Variants in ZBBX observed in about 807,000 individuals in gnomAD.
ZBBX encodes the protein zinc finger B-box domain-containing protein 1.
ZBBX carries 101 observed loss-of-function variants against 108.5 expected under a neutral mutation model. The observed-to-expected ratio is 0.93, with a 90% CI of 0.79 to 1.10. The LOEUF (loss-of-function observed/expected upper bound fraction) is 1.10. Among genes scored for constraint, ZBBX ranks in the 50% least tolerant of loss-of-function variants. The pLI, the probability that ZBBX is intolerant of heterozygous loss-of-function variation, is 0.00. For synonymous variants in ZBBX, 356 were observed against 323.4 expected (o/e 1.10, Z -1.08); for missense variants, 1,009 against 941.4 (o/e 1.07, Z -0.94).
At chr3:167,345,573 G>T (rs1161760594) in intron 9 of ZBBX, among the ~76,000 whole-genome samples, 2 of 151,392 alleles carry the variant, frequency 1.3e-5, no homozygotes, top group Non-Finnish European at 3.0e-5. Flanking sequence ...CCTTTTTTGG[G>T]AGAACATTTA....
chr3:167,302,175 C>A (rs776331720), intron 17 of ZBBX, among the ~76,000 whole-genome samples: 1 of 152,028 alleles, frequency 6.6e-6, no homozygotes, highest in Non-Finnish European at 1.5e-5. Context: ...AAAGAACACA[C>A]ATTCTCTAAT....
chr3:167,266,133 T>C (rs1725418289), intron 20 of ZBBX, among the ~76,000 whole-genome samples: 1 of 152,224 alleles, frequency 6.6e-6, no homozygotes, highest in African/African-American at 2.4e-5. Flanking sequence ...GGTGTTCCAG[T>C]GTCGGGGAGG....
chr3:167,189,650 C>G, the ZBBX span, among the ~76,000 whole-genome samples: 1 of 152,134 alleles, frequency 6.6e-6, no homozygotes, highest in African/African-American at 2.4e-5. Context: ...CATTTTAGAA[C>G]AGATTTATGT....
At chr3:167,325,060 A>G (rs544333290) in intron 11 of ZBBX, among the ~76,000 whole-genome samples, 2 of 152,248 alleles carry the variant, frequency 1.3e-5, no homozygotes, top group East Asian at 3.9e-4. Flanking sequence ...GTACATCTAC[A>G]TTGATAAAAA....
At chr3:167,393,201 C>G (rs1748130595) in intron 1 of ZBBX, among the ~76,000 whole-genome samples, 1 of 151,730 alleles carries the variant, frequency 6.6e-6, no homozygotes, top group African/African-American at 2.4e-5. Context: ...TAAATTCTTA[C>G]CAGTGAAATT....
chr3:167,227,030 A>C, the ZBBX span, among the ~76,000 whole-genome samples: 2 of 151,794 alleles, frequency 1.3e-5, no homozygotes, highest in Non-Finnish European at 2.9e-5. Flanking sequence ...AGATGTTTAC[A>C]ATTTTAACAT....
At chr3:167,251,864 G>C (rs541361626) in intron 20 of ZBBX, among the ~76,000 whole-genome samples, 1 of 151,404 alleles carries the variant, frequency 6.6e-6, no homozygotes, top group Non-Finnish European at 1.5e-5. Context: ...AGGGGAACCT[G>C]GTTATCAACC....
intron 10 of ZBBX, among the ~76,000 whole-genome samples, chr3:167,331,080 C>G (rs1738539094): frequency 6.6e-6 from 1 of 151,532 alleles, no homozygotes; most frequent in Admixed American, 6.6e-5. Flanking sequence ...CCAATACTGC[C>G]AGCACCTTTA....
the ZBBX span, among the ~76,000 whole-genome samples, chr3:167,224,849 T>G: frequency 6.6e-6 from 1 of 151,974 alleles, no homozygotes; most frequent in East Asian, 1.9e-4. Context: ...CTCTCTCTCA[T>G]CCACCATATT....
At chr3:167,393,972 G>C (rs1748155808) in intron 1 of ZBBX, among the ~76,000 whole-genome samples, 2 of 151,878 alleles carry the variant, frequency 1.3e-5, no homozygotes, top group Admixed American at 1.3e-4. Flanking sequence ...GATACAGATA[G>C]ATAAATGAAA....
At chr3:167,400,704 C>A (rs1748399583) in intron 1 of ZBBX, among the ~76,000 whole-genome samples, 1 of 152,008 alleles carries the variant, frequency 6.6e-6, no homozygotes, top group Non-Finnish European at 1.5e-5. Context: ...ACGACACATG[C>A]ACCAGAGCAC....
intron 9 of ZBBX, among the ~76,000 whole-genome samples, chr3:167,348,604 T>C (rs1477418646): frequency 6.6e-6 from 1 of 152,052 alleles, no homozygotes; most frequent in Non-Finnish European, 1.5e-5. Flanking sequence ...TGCACCTTAA[T>C]TGTACACATT....
At chr3:167,191,803 CAA>C in the ZBBX span, among the ~76,000 whole-genome samples, 4 of 149,804 alleles carry the variant, frequency 2.7e-5, no homozygotes, top group Non-Finnish European at 5.9e-5. Flanking sequence ...TTTCTCTCCT[CAA>C]GAGTGATTTT....
the ZBBX span, among the ~76,000 whole-genome samples, chr3:167,232,393 G>T: frequency 6.6e-6 from 1 of 151,800 alleles, no homozygotes; most frequent in Admixed American, 6.6e-5. Flanking sequence ...CTATCTGATA[G>T]CAGGAAGAGG....
At chr3:167,369,913 T>C (rs1479374691) in intron 4 of ZBBX, among the ~76,000 whole-genome samples, 1 of 152,168 alleles carries the variant, frequency 6.6e-6, no homozygotes, top group Non-Finnish European at 1.5e-5. Flanking sequence ...GTCAAGGAAC[T>C]AGAAGTTCTC....
chr3:167,358,865 G>A (rs924989435), intron 8 of ZBBX, among the ~76,000 whole-genome samples: 17 of 147,936 alleles, frequency 1.1e-4, no homozygotes, highest in African/African-American at 2.7e-4. Context: ...GAACTCTGGA[G>A]GCGGAGGTTG....
At chr3:167,313,404 T>A (rs1242672337) in intron 16 of ZBBX, among the ~76,000 whole-genome samples, 1 of 152,088 alleles carries the variant, frequency 6.6e-6, no homozygotes, top group Admixed American at 6.5e-5. Flanking sequence ...GCCTTCTGAG[T>A]AGCTGGGATT....
At chr3:167,242,118 T>C (rs1352450989) in intron 21 of ZBBX, among the ~76,000 whole-genome samples, 28 of 152,196 alleles carry the variant, frequency 1.8e-4, no homozygotes, top group Non-Finnish European at 1.5e-5. Flanking sequence ...AACTTACTAT[T>C]TGATTCTAAA....
At chr3:167,188,220 A>T in the ZBBX span, among the ~76,000 whole-genome samples, 88,804 of 151,988 alleles carry the variant, frequency 0.58, 26,169 homozygotes, top group East Asian at 0.82. Context: ...TTTTGTTTAT[A>T]CATTCATTCA....
Sources: gnomAD v4.1 joint callset for allele counts (sites outside exome capture counted in the v4.1 genomes callset) on GRCh38, gnomAD v4.1.1 for gene constraint, MANE v1.5 for transcripts, NCBI Gene and HGNC (gene_info 2026-07-23, HGNC 2026-07-21) for gene names.